Variants in COL21A1 observed in about 807,000 individuals in gnomAD.
COL21A1 encodes collagen alpha-1(XXI) chain.
Under a neutral mutation model 137.9 loss-of-function variants are expected in COL21A1, and 149 were observed. The observed-to-expected ratio is 1.08, with a 90% CI of 0.95 to 1.24. The LOEUF is 1.24. Ranked by LOEUF, COL21A1 falls within the 50% of genes most tolerant of loss-of-function variation. The probability of loss-of-function intolerance (pLI) is 0.00; values close to 1 mark genes in which losing one functional copy is unlikely to be tolerated. For missense variants in COL21A1, 1,167 were observed against 1,158.4 expected (o/e 1.01, Z -0.11); for synonymous variants, 456 against 391.5 (o/e 1.16, Z -1.95).
chr6:56,163,454 T>C (rs1315407648), intron 9 of COL21A1, among the ~76,000 whole-genome samples: 1 of 152,220 alleles, frequency 6.6e-6, no homozygotes, highest in African/African-American at 2.4e-5. Flanking sequence ...CTCACGCCTG[T>C]AATCCCAGCA....
At chr6:56,374,720 C>CAAAA (rs34067784) in intron 1 of COL21A1, among the ~76,000 whole-genome samples, 5 of 86,390 alleles carry the variant, frequency 5.8e-5, no homozygotes, top group African/African-American at 8.6e-5. Context: ...GACTTCGTCT[C>CAAAA]AAAAAAAAAA....
intron 1 of COL21A1, among the ~76,000 whole-genome samples, chr6:56,254,557 T>C (rs1782925023): frequency 6.6e-6 from 1 of 152,230 alleles, no homozygotes; most frequent in Admixed American, 6.5e-5. Flanking sequence ...TAAATTTCTA[T>C]TAATTTTGAA....
At chr6:56,327,792 G>A (rs1458538605) in intron 1 of COL21A1, among the ~76,000 whole-genome samples, 2 of 152,028 alleles carry the variant, frequency 1.3e-5, no homozygotes, top group Admixed American at 1.3e-4. Flanking sequence ...TCTTCAAAAT[G>A]TAGATGGAAA....
intron 1 of COL21A1, among the ~76,000 whole-genome samples, chr6:56,288,295 ACTAAAGGGTTTCACAG>A (rs1480955232): frequency 6.6e-6 from 1 of 152,050 alleles, no homozygotes; most frequent in African/African-American, 2.4e-5. Flanking sequence ...TGCATGACCC[ACTAAAGGGTTTCACAG>A]CACTCTGGTG....
intron 17 of COL21A1, among the ~76,000 whole-genome samples, chr6:56,098,698 T>TAA (rs1554206903): frequency 2.8e-5 from 2 of 70,710 alleles, no homozygotes; most frequent in Non-Finnish European, 5.4e-5. Context: ...AATATATAAA[T>TAA]ATATATATAA....
intron 1 of COL21A1, among the ~76,000 whole-genome samples, chr6:56,281,440 A>C (rs1017957089): frequency 7.2e-5 from 11 of 152,336 alleles, no homozygotes; most frequent in Admixed American, 2.6e-4. Flanking sequence ...AACAGTGGGC[A>C]TCACCCCAAC....
chr6:56,320,167 A>G (rs1764831418), intron 1 of COL21A1, among the ~76,000 whole-genome samples: 1 of 152,076 alleles, frequency 6.6e-6, no homozygotes, highest in South Asian at 2.1e-4. Flanking sequence ...TAGCAACTCC[A>G]TCCTTCGAAG....
chr6:56,139,505 A>G (rs1774258445), intron 12 of COL21A1, among the ~76,000 whole-genome samples: 1 of 151,714 alleles, frequency 6.6e-6, no homozygotes, highest in Admixed American at 6.6e-5. Flanking sequence ...GCACATACAC[A>G]CACACACACA....
chr6:56,066,482 G>C (rs560922658), intron 23 of COL21A1, among the ~76,000 whole-genome samples: 2 of 151,804 alleles, frequency 1.3e-5, no homozygotes, highest in Non-Finnish European at 2.9e-5. Context: ...GCATAGCAAA[G>C]CTCAGACACT....
chr6:56,294,477 G>A (rs1399518629), intron 1 of COL21A1, among the ~76,000 whole-genome samples: 2 of 151,990 alleles, frequency 1.3e-5, no homozygotes, highest in Non-Finnish European at 2.9e-5. Flanking sequence ...GAGAATTCCT[G>A]TCTATTCCCT....
At chr6:56,120,754 A>T (rs1772416724) in intron 16 of COL21A1, among the ~76,000 whole-genome samples, 2 of 151,142 alleles carry the variant, frequency 1.3e-5, no homozygotes, top group South Asian at 4.2e-4. Context: ...AGATCATGCC[A>T]TTGCACTCCA....
At chr6:56,161,219 G>A (rs1776174963) in intron 9 of COL21A1, among the ~76,000 whole-genome samples, 2 of 152,142 alleles carry the variant, frequency 1.3e-5, no homozygotes, top group Non-Finnish European at 2.9e-5. Context: ...GTATCTCAGA[G>A]CAAAGAAGTT....
intron 1 of COL21A1, among the ~76,000 whole-genome samples, chr6:56,262,865 A>C (rs1763309689): frequency 6.6e-6 from 1 of 152,180 alleles, no homozygotes; most frequent in Non-Finnish European, 1.5e-5. Context: ...TGTTATAAGG[A>C]CTACTCCAGC....
chr6:56,212,568 CA>C (rs1780234650), intron 1 of COL21A1, among the ~76,000 whole-genome samples: 2 of 151,956 alleles, frequency 1.3e-5, no homozygotes, highest in East Asian at 3.9e-4. Flanking sequence ...TCAAGGAAAA[CA>C]ACTAATCATG....
chr6:56,075,045 C>A (rs1383097300), intron 19 of COL21A1, among the ~76,000 whole-genome samples: 1 of 151,264 alleles, frequency 6.6e-6, no homozygotes, highest in Admixed American at 6.6e-5. Flanking sequence ...GCCATCTTCA[C>A]TCTTGAAAAT....
chr6:56,117,504 C>T lies in COL21A1; in HGVS notation c.1758+6558G>A, dbSNP rs190036168. 2.1e-3 allele frequency among the ~76,000 whole-genome samples: 319 copies of T among 152,098 alleles called. 2 individuals carry two copies. Among genetic ancestry groups the T allele is most frequent in the South Asian group, 8.5e-3 (41 of 4,826 alleles). On this transcript the variant is annotated intron_variant, in intron 16 of 29. Coordinates refer to ENST00000244728, the MANE Select transcript of COL21A1 (RefSeq NM_030820.4). Reference sequence around the variant, plus strand: ...ATAATAGCTGGAGACTTCATCATTCCATTTTCAGCATTGGACAGATTTTCC... The same window carrying T: ...ATAATAGCTGGAGACTTCATCATTCTATTTTCAGCATTGGACAGATTTTCC...
intron 6 of COL21A1, among the ~76,000 whole-genome samples, chr6:56,167,600 T>C (rs981888970): frequency 6.6e-6 from 1 of 152,204 alleles, no homozygotes; most frequent in Non-Finnish European, 1.5e-5. Flanking sequence ...TACAGACACA[T>C]TTCTCCATCC....
chr6:56,374,568 C>A (rs1026586472), intron 1 of COL21A1, among the ~76,000 whole-genome samples: 1 of 151,732 alleles, frequency 6.6e-6, no homozygotes, highest in African/African-American at 2.4e-5. Flanking sequence ...ACTGAAACTA[C>A]AAAATTAGCT....
Position 56,074,323 on chromosome 6 carries a change from G to T in COL21A1, c.1912-38C>A, listed in dbSNP as rs369221123. On this transcript the variant is annotated intron_variant, in intron 19 of 29. Coordinates refer to ENST00000244728, the MANE Select transcript of COL21A1 (RefSeq NM_030820.4). ...AAAGGAATTTCAAGAGTAACTTAGA[G>T]AAGATTATTAAAAAATATTAAATCA... 1.0e-4 allele frequency: 138 copies of T among 1,377,412 alleles called. No homozygotes were observed. The African/African-American group carries it at 1.7e-3, about 17-fold the overall frequency. The allele number at this position is 1,377,412 out of a possible 1,614,324, so 85.3% of individuals were successfully genotyped here.
Sources: gnomAD v4.1 joint callset for allele counts (sites outside exome capture counted in the v4.1 genomes callset) on GRCh38, gnomAD v4.1.1 for gene constraint, MANE v1.5 for transcripts, NCBI Gene and HGNC (gene_info 2026-07-23, HGNC 2026-07-21) for gene names.